The following STARD13 variants were observed in gnomAD, a reference collection of about 807,000 sequenced individuals.
The protein encoded by STARD13 is stAR-related lipid transfer protein 13.
STARD13 carries 62 observed loss-of-function variants against 106.4 expected under a neutral mutation model. That is an observed-to-expected ratio of 0.58 (90% CI 0.48 to 0.72). The LOEUF is 0.72. Ranked by LOEUF, STARD13 falls within the 30% of genes least tolerant of loss-of-function variation. STARD13 has a pLI of 0.00. For synonymous variants in STARD13, 565 were observed against 553.0 expected (o/e 1.02, Z -0.31); for missense variants, 1,387 against 1,424.0 (o/e 0.97, Z 0.42).
intron 1 of STARD13, among the ~76,000 whole-genome samples, chr13:33,243,723 A>G (rs934838490): frequency 4.6e-5 from 7 of 152,254 alleles, no homozygotes; most frequent in Middle Eastern, 6.8e-3. Flanking sequence ...ACTGTTTCTC[A>G]CAACATTTTG....
chr13:33,351,682 A>G (rs572503748), upstream of STARD13, among the ~76,000 whole-genome samples: 40 of 152,372 alleles, frequency 2.6e-4, no homozygotes, highest in Non-Finnish European at 5.0e-4. Flanking sequence ...TGAATTATTG[A>G]ATCTGCAAAA....
chr13:33,543,161 C>A, the STARD13 span, among the ~76,000 whole-genome samples: 1 of 152,180 alleles, frequency 6.6e-6, no homozygotes, highest in Non-Finnish European at 1.5e-5. Flanking sequence ...GTTCTTTAAT[C>A]TTTGAGGACT....
chr13:33,120,535 C>G (rs1488765599), intron 7 of STARD13, among the ~76,000 whole-genome samples: 7 of 152,138 alleles, frequency 4.6e-5, no homozygotes, highest in Non-Finnish European at 8.8e-5. Context: ...CTGCCCTGGC[C>G]TTGTCTTCTA....
the STARD13 span, among the ~76,000 whole-genome samples, chr13:33,359,819 A>G: frequency 6.6e-6 from 1 of 152,218 alleles, no homozygotes; most frequent in Non-Finnish European, 1.5e-5. Context: ...ATAATATATT[A>G]TGATCAGTAT....
chr13:33,528,273 T>TATATATATATAC, the STARD13 span, among the ~76,000 whole-genome samples: 6 of 134,824 alleles, frequency 4.5e-5, no homozygotes, highest in African/African-American at 1.8e-4. Context: ...TATATATATA[T>TATATATATATAC]ACTCTTTTTT....
At chr13:33,627,649 A>AT in the STARD13 span, among the ~76,000 whole-genome samples, 19 of 151,854 alleles carry the variant, frequency 1.3e-4, no homozygotes, top group African/African-American at 4.4e-4. Flanking sequence ...AAAAAAAAAA[A>AT]AAATGTTCTT....
At chr13:33,124,524 G>A (rs903438426) in intron 7 of STARD13, among the ~76,000 whole-genome samples, 7 of 152,150 alleles carry the variant, frequency 4.6e-5, no homozygotes, top group Non-Finnish European at 8.8e-5. Flanking sequence ...ATGGACACAG[G>A]GGTGGAAGAG....
intron 1 of STARD13, among the ~76,000 whole-genome samples, chr13:33,209,811 A>C (rs79011804): frequency 0.024 from 3,584 of 152,012 alleles, 66 homozygotes; most frequent in Non-Finnish European, 0.037. Flanking sequence ...TCTCCACACA[A>C]AAAAAATAAA....
At chr13:33,360,643 G>A in the STARD13 span, among the ~76,000 whole-genome samples, 1 of 142,816 alleles carries the variant, frequency 7.0e-6, no homozygotes, top group African/African-American at 2.6e-5. Flanking sequence ...TTTTCCTTCT[G>A]TGTAGACAGA....
chr13:33,428,701 T>A, the STARD13 span, among the ~76,000 whole-genome samples: 1 of 152,094 alleles, frequency 6.6e-6, no homozygotes, highest in Non-Finnish European at 1.5e-5. Context: ...AAGGATACAA[T>A]TAACAAAGTG....
At chr13:33,662,225 G>A in the STARD13 span, among the ~76,000 whole-genome samples, 1 of 149,816 alleles carries the variant, frequency 6.7e-6, no homozygotes, top group African/African-American at 2.5e-5. Context: ...TCATGCCACT[G>A]TACTACAGCC....
At chr13:33,551,173 C>T in the STARD13 span, among the ~76,000 whole-genome samples, 1 of 150,372 alleles carries the variant, frequency 6.7e-6, no homozygotes, top group African/African-American at 2.4e-5. Flanking sequence ...GTGTGTCTTG[C>T]CTGACATGTG....
intron 1 of STARD13, among the ~76,000 whole-genome samples, chr13:33,241,366 G>A (rs2858134): frequency 0.21 from 32,381 of 151,950 alleles, 3,819 homozygotes; most frequent in South Asian, 0.34. Context: ...GAATAAAACC[G>A]TAATTGATAT....
chr13:33,589,409 C>G, the STARD13 span, among the ~76,000 whole-genome samples: 2 of 152,176 alleles, frequency 1.3e-5, no homozygotes, highest in African/African-American at 4.8e-5. Flanking sequence ...AATTTTAGAT[C>G]TTTTCTGCTT....
the STARD13 span, among the ~76,000 whole-genome samples, chr13:33,397,822 G>A: frequency 2.6e-5 from 4 of 152,180 alleles, no homozygotes; most frequent in Admixed American, 2.6e-4. Context: ...GATAATGGCA[G>A]ATTCAGTGAC....
At position 33,177,991 on chromosome 13, in the gene STARD13, AAGG is replaced by A. The variant is rs1423904162; in HGVS notation, c.170-10372_170-10370del. Among the ~76,000 whole-genome samples the A allele has an allele frequency of 5.0e-4, 18 of 36,204 alleles. 6 individuals carry two copies. Among genetic ancestry groups the A allele is most frequent in the Admixed American group, 1.8e-3 (7 of 3,974 alleles). 23.8% of individuals were successfully genotyped at this position (36,204 alleles called of 152,430 possible). On this transcript the variant is annotated intron_variant, in intron 1 of 13. Coordinates refer to ENST00000336934, the MANE Select transcript of STARD13 (RefSeq NM_178006.4). ...AAGGAAGGAAGGAAGGAAGGAAAGG[AAGG>A]AAGGAAGGAAGGAAGGAAAGGAAGG... is the stretch of plus-strand genomic sequence containing the variant.
the STARD13 span, among the ~76,000 whole-genome samples, chr13:33,621,656 G>T: frequency 0.046 from 6,527 of 141,286 alleles, 322 homozygotes; most frequent in East Asian, 0.16. Flanking sequence ...CTCCAGCCTG[G>T]GCGACAGAGC....
the STARD13 span, among the ~76,000 whole-genome samples, chr13:33,519,264 C>CT: frequency 7.0e-6 from 1 of 143,456 alleles, no homozygotes; most frequent in Non-Finnish European, 1.5e-5. Context: ...TTCTTTCTTT[C>CT]TTTCTTTCTT....
the STARD13 span, among the ~76,000 whole-genome samples, chr13:33,444,460 A>C: frequency 6.6e-6 from 1 of 152,096 alleles, no homozygotes; most frequent in Admixed American, 6.5e-5. Context: ...AATTCCTTTG[A>C]GTTACATTTA....
Sources: allele counts gnomAD v4.1 joint callset (sites outside exome capture counted in the v4.1 genomes callset), GRCh38; gene constraint gnomAD v4.1.1; transcripts MANE v1.5; gene names NCBI Gene and HGNC (gene_info 2026-07-23, HGNC 2026-07-21).